Variants in CYRIA observed in about 807,000 individuals in gnomAD.
CYRIA encodes CYFIP-related Rac1 interactor A.
A neutral mutation model predicts 43.9 loss-of-function variants in CYRIA; 15 were observed. The ratio of observed to expected loss-of-function variants is 0.34; its 90% CI spans 0.23 to 0.53. The LOEUF is 0.53. CYRIA is among the 20% of genes least tolerant of loss of function. The probability of loss-of-function intolerance (pLI) is 0.94; values close to 1 mark genes in which losing one functional copy is unlikely to be tolerated. For synonymous variants in CYRIA, 117 were observed against 136.0 expected (o/e 0.86, Z 0.97); for missense variants, 236 against 394.2 (o/e 0.60, Z 3.40).
At chr2:16,592,893 A>G (rs1183901536) in intron 2 of CYRIA, among the ~76,000 whole-genome samples, 3 of 152,202 alleles carry the variant, frequency 2.0e-5, no homozygotes, top group Non-Finnish European at 4.4e-5. Flanking sequence ...TGTGTACTGT[A>G]AGTAATACAT....
intron 1 of CYRIA, among the ~76,000 whole-genome samples, chr2:16,640,729 C>T (rs770111976): frequency 2.0e-5 from 3 of 152,202 alleles, no homozygotes; most frequent in Non-Finnish European, 2.9e-5. Context: ...GACCTGGATG[C>T]GTCAGCTCTC....
chr2:16,574,666 G>A (rs1667263828), intron 3 of CYRIA, among the ~76,000 whole-genome samples: 1 of 152,234 alleles, frequency 6.6e-6, no homozygotes, highest in African/African-American at 2.4e-5. Context: ...TGGCTTCAGA[G>A]GGTGCAAGTC....
At chr2:16,637,984 T>C (rs1002715606) in intron 1 of CYRIA, among the ~76,000 whole-genome samples, 2 of 152,160 alleles carry the variant, frequency 1.3e-5, no homozygotes, top group Non-Finnish European at 2.9e-5. Flanking sequence ...TATGTTTCAT[T>C]AACATGTCTG....
chr2:16,584,665 GTT>G (rs1667663751), intron 3 of CYRIA, among the ~76,000 whole-genome samples: 1 of 152,106 alleles, frequency 6.6e-6, no homozygotes, highest in Non-Finnish European at 1.5e-5. Flanking sequence ...TTCATCCGCC[GTT>G]TCTCTCCAGC....
chr2:16,580,226 G>A (rs1426776454), intron 3 of CYRIA, among the ~76,000 whole-genome samples: 1 of 152,050 alleles, frequency 6.6e-6, no homozygotes, highest in Non-Finnish European at 1.5e-5. Context: ...GGTGGTATGA[G>A]CCACTGTGCT....
In CYRIA at chr2:16,565,662, C is replaced by A; in HGVS notation, c.176G>T (p.Gly59Val). Reference protein sequence around the residue: ...LADLQAYKGAGPEIRDAIQNP... With the variant: ...LADLQAYKGAVPEIRDAIQNP... ...TTGACATACATCTCGGATCTCTGGG[C>A]CTGCGCCTTTGTAAGCCTGCAGGTC... The change falls in exon 4 of 12, where the codon GGC (glycine) becomes GTC (valine). Residue 59 changes from glycine to valine, a missense_variant. Physicochemically the swap from Gly to Val is moderately radical, Grantham distance 109 (BLOSUM62 -3). This residue lies in a region of CYRIA where 193 missense variants were observed against 303.9 expected (regional missense o/e 0.64). Transcript: ENST00000381323. 1 of 1,580,230 alleles carries A rather than the reference C, an allele frequency of 6.3e-7. No individual in the cohort carries two copies. The highest frequency in any genetic ancestry group is 8.7e-7 in the Non-Finnish European group (1 of 1,154,718).
At chr2:16,612,875 G>A (rs552630938) in intron 2 of CYRIA, among the ~76,000 whole-genome samples, 10 of 152,248 alleles carry the variant, frequency 6.6e-5, no homozygotes, top group African/African-American at 2.4e-4. Flanking sequence ...GGGACCTGGT[G>A]GGAGGTAATT....
intron 9 of CYRIA, chr2:16,560,762 T>C: frequency 1.8e-6 from 1 of 556,656 alleles, no homozygotes; most frequent in South Asian, 2.1e-5. Flanking sequence ...CCTGACAAGC[T>C]ATGCAGTTGT....
intron 7 of CYRIA, 85 bp from the exon 8 acceptor site, chr2:16,561,362 C>A: frequency 6.8e-7 from 1 of 1,478,966 alleles, no homozygotes; most frequent in Admixed American, 1.7e-5. Flanking sequence ...GAATTACAGA[C>A]AAGGACATTG....
chr2:16,641,015 C>T (rs1465402215), intron 1 of CYRIA, among the ~76,000 whole-genome samples: 1 of 152,044 alleles, frequency 6.6e-6, no homozygotes, highest in Non-Finnish European at 1.5e-5. Flanking sequence ...GTGCCTATCC[C>T]TCTGGAGTGC....
At position 16,656,161 on chromosome 2, in the gene CYRIA, G is replaced by A. The variant is rs560220266; in HGVS notation, c.-167+9619C>T. 3.8e-4 allele frequency among the ~76,000 whole-genome samples: 57 copies of A among 151,946 alleles called. No individual in the cohort carries two copies. In the South Asian group the frequency reaches 5.0e-3, roughly 13 times the overall value. On this transcript the variant is annotated intron_variant, in intron 1 of 11. Coordinates refer to ENST00000381323, the MANE Select transcript of CYRIA (RefSeq NM_030797.4). ...GGATTCCCCCAATGCACATGTACAC[G>A]CTTACACATACACCTGTACACATCC... is the stretch of plus-strand genomic sequence containing the variant.
chr2:16,652,593 G>A (rs74641894), intron 1 of CYRIA, among the ~76,000 whole-genome samples: 2,254 of 152,256 alleles, frequency 0.015, 59 homozygotes, highest in African/African-American at 0.048. Context: ...GAAGTCTTCC[G>A]GGTCCCACAG....
intron 9 of CYRIA, among the ~76,000 whole-genome samples, chr2:16,560,356 A>C (rs1405773576): frequency 1.3e-5 from 2 of 152,120 alleles, no homozygotes; most frequent in Non-Finnish European, 2.9e-5. Context: ...GGTCTTCCTA[A>C]AGACTCTGCA....
intron 3 of CYRIA, among the ~76,000 whole-genome samples, chr2:16,575,882 T>A (rs975159314): frequency 9.7e-4 from 144 of 149,008 alleles, no homozygotes; most frequent in Non-Finnish European, 4.2e-4. Flanking sequence ...ATAAATAAAA[T>A]AAATAAATAA....
intron 1 of CYRIA, among the ~76,000 whole-genome samples, chr2:16,641,628 A>G (rs1196331050): frequency 6.6e-6 from 1 of 152,372 alleles, no homozygotes; most frequent in South Asian, 2.1e-4. Context: ...GTAGAAAAAT[A>G]CCAAGTTTAA....
chr2:16,586,238 T>C lies in CYRIA; in HGVS notation c.70+1812A>G, dbSNP rs532919736. 3.3e-5 allele frequency among the ~76,000 whole-genome samples: 5 copies of C among 152,218 alleles called. No homozygotes were observed. In the South Asian group the frequency reaches 1.0e-3, roughly 32 times the overall value. On this transcript the variant is annotated intron_variant, in intron 3 of 11. Transcript: ENST00000381323. ...CCACTATTTTGGCCTTTGTACACATTGAATGCAACAATGTAAAATGCATCT... is the reference window on the plus strand; with the variant it reads ...CCACTATTTTGGCCTTTGTACACATCGAATGCAACAATGTAAAATGCATCT...
chr2:16,552,784 C>G lies in CYRIA; in HGVS notation c.*152G>C. The G allele has an allele frequency of 1.7e-6, 1 of 590,322 alleles. No homozygotes were observed. Among genetic ancestry groups the G allele is most frequent in the East Asian group, 2.9e-5 (1 of 34,480 alleles). The allele number at this position is 590,322 out of a possible 1,614,324, so 36.6% of individuals were successfully genotyped here. ...CAATTTATGCTCTGCTGGGTTGAGT[C>G]AGTCAGGATACAAATTAAGGTCCAT... On this transcript the variant is annotated 3_prime_UTR_variant, in exon 12 of 12. Coordinates refer to ENST00000381323, the MANE Select transcript of CYRIA (RefSeq NM_030797.4).
Position 16,599,617 on chromosome 2 carries a change from C to T in CYRIA, c.-10-11488G>A, listed in dbSNP as rs1419210073. 7.0e-5 allele frequency among the ~76,000 whole-genome samples: 10 copies of T among 143,730 alleles called. No homozygotes were observed. In the East Asian group the frequency reaches 1.9e-3, roughly 27 times the overall value. The allele number at this position is 143,730 out of a possible 152,430, so 94.3% of individuals were successfully genotyped here. ...GCGCACGGTGCGCACACACACTGGCCTGCGCCCACTGTCTGGCACTCCCTA... is the reference window on the plus strand; with the variant it reads ...GCGCACGGTGCGCACACACACTGGCTTGCGCCCACTGTCTGGCACTCCCTA... On this transcript the variant is annotated intron_variant, in intron 2 of 11. Coordinates refer to ENST00000381323, the MANE Select transcript of CYRIA (RefSeq NM_030797.4).
At chr2:16,553,117 C>T in intron 11 of CYRIA, 118 bp from the exon 12 acceptor site, 1 of 722,158 alleles carries the variant, frequency 1.4e-6, no homozygotes, top group Non-Finnish European at 2.6e-6. Flanking sequence ...GACAAAAATC[C>T]ACACTTCAAT....
Sources: gnomAD v4.1 joint callset for allele counts (sites outside exome capture counted in the v4.1 genomes callset) on GRCh38, gnomAD v4.1.1 for gene constraint, gnomAD v4.1.1 regional missense constraint, MANE v1.5 for transcripts, NCBI Gene and HGNC (gene_info 2026-07-23, HGNC 2026-07-21) for gene names.